RAP1GAP2: variants seen among roughly 807,000 people sequenced by gnomAD.
The protein encoded by RAP1GAP2 is RAP1 GTPase activating protein 2.
RAP1GAP2 carries 27 observed loss-of-function variants against 95.0 expected under a neutral mutation model. The ratio of observed to expected loss-of-function variants is 0.28; its 90% CI spans 0.21 to 0.39. The LOEUF (loss-of-function observed/expected upper bound fraction) is 0.39, where lower values mean the gene tolerates loss of function less well. Among genes scored for constraint, RAP1GAP2 ranks in the 10% least tolerant of loss-of-function variants. The pLI, the probability that RAP1GAP2 is intolerant of heterozygous loss-of-function variation, is 1.00. For missense variants in RAP1GAP2, 771 were observed against 970.0 expected, an observed-to-expected ratio of 0.79 and a Z score of 2.72; for synonymous variants, 373 against 380.9, an observed-to-expected ratio of 0.98 and a Z score of 0.24.
intron 10 of RAP1GAP2, among the ~76,000 whole-genome samples, chr17:2,981,662 G>A (rs4790401): frequency 0.2 from 29,970 of 152,002 alleles, 2,968 homozygotes; most frequent in Admixed American, 0.23. Context: ...CCAGACAGCC[G>A]CCCCGCCATT....
At chr17:2,772,108 G>A (rs930277372), upstream of RAP1GAP2, among the ~76,000 whole-genome samples, 1 of 151,970 alleles carries the variant, frequency 6.6e-6, no homozygotes, top group South Asian at 2.1e-4. Flanking sequence ...TCCTCCCTCA[G>A]CCTCTTGAGT....
intron 2 of RAP1GAP2, among the ~76,000 whole-genome samples, chr17:2,813,931 C>G (rs9894144): frequency 6.6e-6 from 1 of 151,388 alleles, no homozygotes; most frequent in Non-Finnish European, 1.5e-5. Flanking sequence ...CCATTGCACT[C>G]TAGCCTGGGC....
intron 3 of RAP1GAP2, among the ~76,000 whole-genome samples, chr17:2,929,954 C>T (rs1198173119): frequency 6.6e-6 from 1 of 152,202 alleles, no homozygotes; most frequent in Non-Finnish European, 1.5e-5. Context: ...CCACGATGAG[C>T]AGACTCGTCA....
At chr17:2,890,736 G>T (rs1046366577) in intron 2 of RAP1GAP2, among the ~76,000 whole-genome samples, 4 of 150,430 alleles carry the variant, frequency 2.7e-5, no homozygotes, top group Admixed American at 2.0e-4. Flanking sequence ...CCAGGCTGGA[G>T]TGCAGTGGCG....
chr17:2,823,853 G>A (rs1443031758), intron 2 of RAP1GAP2, among the ~76,000 whole-genome samples: 1 of 152,144 alleles, frequency 6.6e-6, no homozygotes, highest in Non-Finnish European at 1.5e-5. Context: ...GCCGGGCACG[G>A]CGGCTCACAC....
intron 13 of RAP1GAP2, among the ~76,000 whole-genome samples, chr17:2,997,922 CAAA>C (rs1313908992): frequency 1.5e-4 from 10 of 67,710 alleles, no homozygotes; most frequent in Admixed American, 1.7e-4. Flanking sequence ...GACCCTGTCT[CAAA>C]AAAAAAAAAA....
intron 2 of RAP1GAP2, among the ~76,000 whole-genome samples, chr17:2,834,691 G>T (rs1205727333): frequency 6.6e-6 from 1 of 152,036 alleles, no homozygotes; most frequent in East Asian, 1.9e-4. Flanking sequence ...CAGCTACTCA[G>T]GAGGCTGAAG....
chr17:2,965,250 A>ACCC lies in RAP1GAP2; in HGVS notation c.493-286_493-284dup, dbSNP rs796407072. ...TCGTGTCATCCTGGGCAGTGACTTA[A>ACCC]CCCCCCGACCATTGGTTTTCCCATC... On this transcript the variant is annotated intron_variant, in intron 7 of 24. Coordinates refer to ENST00000254695, the MANE Select transcript of RAP1GAP2 (RefSeq NM_015085.5). The surrounding 1 kb of genome is among the most constrained non-coding windows in gnomAD (Gnocchi z 4.7). The ACCC allele has an allele frequency of 1.1e-5, 5 of 436,754 alleles. No homozygotes were observed. The highest frequency in any genetic ancestry group is 1.0e-4 in the African/African-American group (5 of 50,124). The allele number at this position is 436,754 out of a possible 1,614,324, so 27.1% of individuals were successfully genotyped here. A position where few individuals can be genotyped will look rare whatever the true frequency, so the allele number is the denominator to read the frequency against.
intron 24 of RAP1GAP2, 119 bp downstream of exon 24, chr17:3,032,568 T>C (rs894019804): frequency 1.0e-6 from 1 of 973,290 alleles, no homozygotes; most frequent in Non-Finnish European, 1.6e-6. Context: ...GCTGGGGATG[T>C]CCAAAGAGTC....
chr17:3,037,275 C>T lies in RAP1GAP2; in HGVS notation c.*3914C>T, dbSNP rs1343151266. 1 of 146,594 alleles carries T rather than the reference C, an allele frequency of 6.8e-6. No homozygotes were observed. The allele number at this position is 146,594 out of a possible 1,614,324, so 9.1% of individuals were successfully genotyped here. ...GCGGCTCTGTCCTGTGCCTTACCAG[C>T]CCTGGGGAGGGGGGCATTTGGCTGG... is the stretch of plus-strand genomic sequence containing the variant. On this transcript the variant is annotated 3_prime_UTR_variant, in exon 25 of 25. Transcript: ENST00000254695.
At chr17:2,776,006 C>T (rs1448875892), upstream of RAP1GAP2, among the ~76,000 whole-genome samples, 1 of 152,180 alleles carries the variant, frequency 6.6e-6, no homozygotes, top group South Asian at 2.1e-4. Flanking sequence ...TGGCGAAACC[C>T]CGTCTCTACT....
At chr17:2,950,492 G>A (rs1466305778) in intron 3 of RAP1GAP2, among the ~76,000 whole-genome samples, 1 of 152,140 alleles carries the variant, frequency 6.6e-6, no homozygotes, top group Non-Finnish European at 1.5e-5. Flanking sequence ...GCTCCTTCTA[G>A]GAGCTGCTAT....
intron 10 of RAP1GAP2, among the ~76,000 whole-genome samples, chr17:2,981,562 C>T (rs982258232): frequency 1.3e-5 from 2 of 152,092 alleles, no homozygotes; most frequent in Non-Finnish European, 1.5e-5. Flanking sequence ...TGGAGGTGGA[C>T]GTGACTCTGT....
intron 3 of RAP1GAP2, among the ~76,000 whole-genome samples, chr17:2,943,194 A>G (rs1471109626): frequency 1.3e-5 from 2 of 151,960 alleles, no homozygotes; most frequent in Non-Finnish European, 2.9e-5. Context: ...TACCCATCCT[A>G]GATATTTTAT....
At chr17:2,996,285 G>C (rs962898715) in intron 13 of RAP1GAP2, among the ~76,000 whole-genome samples, 1 of 152,140 alleles carries the variant, frequency 6.6e-6, no homozygotes, top group Non-Finnish European at 1.5e-5. Flanking sequence ...TCTGACAGCC[G>C]TGCATCCCTG....
chr17:2,964,074 G>T lies in RAP1GAP2; in HGVS notation c.492+6G>T. 1 of 1,606,678 alleles carries T rather than the reference G, an allele frequency of 6.2e-7. No individual in the cohort carries two copies. The highest frequency in any genetic ancestry group is 8.5e-7 in the Non-Finnish European group (1 of 1,176,922). The stretch of plus-strand genomic sequence containing the variant: ...GGAGGCACTTCCTGGGGAAGGTGAG[G>T]CTGGGGGAGAGGAGCTGCTGGGGGT... On this transcript the variant is annotated splice_donor_region_variant and intron_variant, in intron 7 of 24. Coordinates refer to ENST00000254695, the MANE Select transcript of RAP1GAP2 (RefSeq NM_015085.5).
intron 3 of RAP1GAP2, among the ~76,000 whole-genome samples, chr17:2,939,790 C>T (rs1447945116): frequency 6.6e-6 from 1 of 152,232 alleles, no homozygotes; most frequent in Non-Finnish European, 1.5e-5. Context: ...GGAAGGGACC[C>T]CCTTGCCCTT....
intron 2 of RAP1GAP2, among the ~76,000 whole-genome samples, chr17:2,889,889 A>ATATATATATATATATTTTT (rs1408426152): frequency 3.5e-5 from 2 of 57,318 alleles, no homozygotes; most frequent in African/African-American, 7.2e-5. Context: ...ATATATATAT[A>ATATATATATATATATTTTT]TTTTTTTTTT....
intron 12 of RAP1GAP2, among the ~76,000 whole-genome samples, chr17:2,992,308 C>T (rs1248689405): frequency 2.6e-5 from 4 of 151,928 alleles, no homozygotes; most frequent in Non-Finnish European, 4.4e-5. Flanking sequence ...CTACAAGGCG[C>T]GCGCCACCAT....
Sources: gnomAD v4.1 joint callset for allele counts (sites outside exome capture counted in the v4.1 genomes callset) on GRCh38, gnomAD v4.1.1 for gene constraint, Gnocchi (gnomAD v3.1) non-coding constraint, MANE v1.5 for transcripts, NCBI Gene and HGNC (gene_info 2026-07-23, HGNC 2026-07-21) for gene names.